GRAMD1B: variants seen among roughly 807,000 people sequenced by gnomAD.
The protein encoded by GRAMD1B is GRAM domain containing 1B.
In GRAMD1B, 37 loss-of-function variants were observed where a neutral mutation model predicts 99.7. That is an observed-to-expected ratio of 0.37 (90% CI 0.29 to 0.49). The LOEUF is 0.49. GRAMD1B is among the 20% of genes least tolerant of loss of function. GRAMD1B has a pLI of 0.98. For synonymous variants in GRAMD1B, 427 were observed against 387.6 expected, an observed-to-expected ratio of 1.10 and a Z score of -1.19; for missense variants, 888 against 1,009.2, an observed-to-expected ratio of 0.88 and a Z score of 1.63.
intron 1 of GRAMD1B, among the ~76,000 whole-genome samples, chr11:123,470,430 C>G (rs1444870215): frequency 6.6e-6 from 1 of 152,044 alleles, no homozygotes; most frequent in Non-Finnish European, 1.5e-5. Flanking sequence ...AGTGATAACC[C>G]CACCTTGGCC....
chr11:123,589,507 G>A (rs1950407076), intron 4 of GRAMD1B, among the ~76,000 whole-genome samples: 1 of 151,412 alleles, frequency 6.6e-6, no homozygotes, highest in Non-Finnish European at 1.5e-5. Flanking sequence ...GCAGTGGTGC[G>A]ATCTCCGCTC....
chr11:123,551,159 T>G lies in GRAMD1B; in HGVS notation c.453-26208T>G, dbSNP rs184782308. ...TAGAGCTGAGATTGCCCTGCAGGGT[T>G]ATCCCAAATTGAGGCAAAGGGCAGG... On this transcript the variant is annotated intron_variant, in intron 2 of 19. Transcript: ENST00000635736. 1.5e-3 allele frequency among the ~76,000 whole-genome samples: 224 copies of G among 152,256 alleles called. 1 individual carries two copies. Among genetic ancestry groups the G allele is most frequent in the African/African-American group, 5.2e-3 (218 of 41,580 alleles).
chr11:123,617,566 G>A (rs1954600457), intron 17 of GRAMD1B, among the ~76,000 whole-genome samples: 2 of 152,124 alleles, frequency 1.3e-5, no homozygotes, highest in South Asian at 4.1e-4. Context: ...ACTACCCTTT[G>A]TGTAGGGCCT....
chr11:123,402,101 C>T (rs535228450), intron 1 of GRAMD1B, among the ~76,000 whole-genome samples: 9 of 152,284 alleles, frequency 5.9e-5, no homozygotes, highest in African/African-American at 1.9e-4. Flanking sequence ...CTGCAACCTC[C>T]GCTTCCCTGG....
At chr11:123,458,046 T>G (rs140706076) in intron 1 of GRAMD1B, among the ~76,000 whole-genome samples, 96 of 152,304 alleles carry the variant, frequency 6.3e-4, no homozygotes, top group Non-Finnish European at 1.2e-3. Context: ...GAGTACCACT[T>G]TATGCATGAC....
At chr11:123,512,539 C>T (rs1199906344) in intron 2 of GRAMD1B, among the ~76,000 whole-genome samples, 1 of 152,018 alleles carries the variant, frequency 6.6e-6, no homozygotes, top group African/African-American at 2.4e-5. Context: ...CGAATCATTC[C>T]TTTTTTATTT....
intron 19 of GRAMD1B, among the ~76,000 whole-genome samples, chr11:123,620,161 G>T (rs1015715210): frequency 6.6e-6 from 1 of 152,142 alleles, no homozygotes; most frequent in Non-Finnish European, 1.5e-5. Flanking sequence ...TCCTTGCATT[G>T]TTTGGTCTTA....
intron 2 of GRAMD1B, among the ~76,000 whole-genome samples, chr11:123,543,189 G>A (rs1944718234): frequency 6.6e-6 from 1 of 152,186 alleles, no homozygotes; most frequent in Non-Finnish European, 1.5e-5. Flanking sequence ...CCTTCTGAGA[G>A]AACGCCAACC....
chr11:123,609,223 T>A (rs894110029), intron 12 of GRAMD1B, among the ~76,000 whole-genome samples: 10 of 152,110 alleles, frequency 6.6e-5, no homozygotes, highest in African/African-American at 2.4e-4. Context: ...ACTCAAACTG[T>A]TAGTGCTTGC....
intron 4 of GRAMD1B, among the ~76,000 whole-genome samples, chr11:123,592,503 C>T (rs1324512506): frequency 1.3e-5 from 2 of 152,166 alleles, no homozygotes; most frequent in African/African-American, 2.4e-5. Flanking sequence ...GATGATAACT[C>T]CATGTTAGCC....
intron 2 of GRAMD1B, among the ~76,000 whole-genome samples, chr11:123,534,190 T>C (rs1266022136): frequency 6.6e-6 from 1 of 152,226 alleles, no homozygotes; most frequent in Non-Finnish European, 1.5e-5. Flanking sequence ...CATTATATAC[T>C]GTATTCTTGC....
chr11:123,609,232 G>A (rs1592260666), intron 12 of GRAMD1B, among the ~76,000 whole-genome samples: 2 of 152,288 alleles, frequency 1.3e-5, no homozygotes, highest in South Asian at 4.1e-4. Flanking sequence ...GTTAGTGCTT[G>A]CCTGACCTCA....
intron 1 of GRAMD1B, among the ~76,000 whole-genome samples, chr11:123,410,561 C>CACA (rs1565481287): frequency 6.6e-6 from 1 of 152,122 alleles, no homozygotes; most frequent in African/African-American, 2.4e-5. Context: ...ACCCTGGAAC[C>CACA]AGTCCCCTTC....
At chr11:123,453,798 G>A (rs1195942991) in intron 1 of GRAMD1B, among the ~76,000 whole-genome samples, 1 of 152,178 alleles carries the variant, frequency 6.6e-6, no homozygotes, top group Non-Finnish European at 1.5e-5. Flanking sequence ...TCTGGATCTT[G>A]CCTGTTTTAT....
At chr11:123,619,064 G>T in intron 18 of GRAMD1B, 43 bp from the exon 19 acceptor site, 1 of 1,116,044 alleles carries the variant, frequency 9.0e-7, no homozygotes, top group Non-Finnish European at 1.3e-6. Flanking sequence ...AGTTCGCTGA[G>T]CATAACTCCA....
chr11:123,598,450 C>T (rs368161132), intron 7 of GRAMD1B: 60 of 991,718 alleles, frequency 6.1e-5, no homozygotes, highest in Admixed American at 5.6e-4. Context: ...CGCTGTTCTC[C>T]GAGAATCTCT....
chr11:123,595,226 C>T (rs576459753), intron 6 of GRAMD1B, among the ~76,000 whole-genome samples: 2 of 151,912 alleles, frequency 1.3e-5, no homozygotes, highest in Admixed American at 1.3e-4. Context: ...TAGGCTAGTC[C>T]TTTCTTTGCC....
At chr11:123,426,453 T>G (rs373597878), upstream of GRAMD1B, among the ~76,000 whole-genome samples, 1 of 152,180 alleles carries the variant, frequency 6.6e-6, no homozygotes, top group Non-Finnish European at 1.5e-5. Context: ...CATCCTTCAT[T>G]GTGTGTTTGA....
intron 2 of GRAMD1B, among the ~76,000 whole-genome samples, chr11:123,506,156 A>G (rs1940401484): frequency 2.0e-5 from 3 of 152,226 alleles, no homozygotes; most frequent in Admixed American, 2.0e-4. Context: ...ACTCAGTACT[A>G]CATGTCCCAG....
Sources: allele counts gnomAD v4.1 joint callset (sites outside exome capture counted in the v4.1 genomes callset), GRCh38; gene constraint gnomAD v4.1.1; transcripts MANE v1.5; gene names NCBI Gene and HGNC (gene_info 2026-07-23, HGNC 2026-07-21).